Variants in EIF2AK2 observed in about 807,000 individuals in gnomAD.
The protein encoded by EIF2AK2 is interferon-induced, double-stranded RNA-activated protein kinase.
Under a neutral mutation model 70.5 loss-of-function variants are expected in EIF2AK2, and 40 were observed. The ratio of observed to expected loss-of-function variants is 0.57; its 90% CI spans 0.44 to 0.74. The LOEUF is 0.74. EIF2AK2 is among the 30% of genes least tolerant of loss of function. The pLI is 0.00. For synonymous variants in EIF2AK2, 198 were observed against 220.9 expected (o/e 0.90, Z 0.92); for missense variants, 555 against 644.3 (o/e 0.86, Z 1.50).
intron 10 of EIF2AK2, among the ~76,000 whole-genome samples, chr2:37,130,344 C>A (rs1321458520): frequency 6.6e-6 from 1 of 152,166 alleles, no homozygotes; most frequent in East Asian, 1.9e-4. Flanking sequence ...CTCAGGTGAT[C>A]CACCCGCCTT....
At chr2:37,146,676 T>C (rs4648170) in intron 4 of EIF2AK2, among the ~76,000 whole-genome samples, 177 bp downstream of exon 4, 4,503 of 152,314 alleles carry the variant, frequency 0.03, 96 homozygotes, top group Middle Eastern at 0.054. Flanking sequence ...GTGTCCTAGG[T>C]GTGGCTCTCA....
chr2:37,148,746 C>A, intron 2 of EIF2AK2, 111 bp downstream of exon 2: 3 of 834,492 alleles, frequency 3.6e-6, no homozygotes, highest in South Asian at 2.7e-5. Flanking sequence ...TTACAGAAGT[C>A]GTGTTGTGAC....
chr2:37,120,700 C>T (rs1486526832), intron 12 of EIF2AK2, among the ~76,000 whole-genome samples: 4 of 149,142 alleles, frequency 2.7e-5, no homozygotes, highest in Non-Finnish European at 6.0e-5. Context: ...CGGTGGCTCA[C>T]GCCTATAATC....
chr2:37,119,194 C>T lies in EIF2AK2; in HGVS notation c.1248+765G>A, dbSNP rs1372831588. On this transcript the variant is annotated intron_variant, in intron 13 of 16. Transcript: ENST00000233057. ...GTAAAAAATAGGGAAACTCCTTGTCCGGACCATAAAAGCCAGAGGAAAATG... is the reference window on the plus strand; with the variant it reads ...GTAAAAAATAGGGAAACTCCTTGTCTGGACCATAAAAGCCAGAGGAAAATG... Among the ~76,000 whole-genome samples the T allele has an allele frequency of 6.6e-5, 10 of 152,092 alleles. No homozygotes were observed. In the East Asian group the frequency reaches 7.7e-4, roughly 12 times the overall value.
chr2:37,156,904 T>TCACCTG lies in EIF2AK2; in HGVS notation c.-186_-184+3dup, dbSNP rs1379435274. The TCACCTG allele has an allele frequency of 5.6e-6, 1 of 178,192 alleles. No individual in the cohort carries two copies. The highest frequency in any genetic ancestry group is 2.6e-5 in the African/African-American group (1 of 38,678). The allele number at this position is 178,192 out of a possible 1,614,324, so 11.0% of individuals were successfully genotyped here. ...CTCCCTCGGCTGCCCCCTGCCCTGC[T>TCACCTG]CACCTGCGCCGCCGCCGCCGCCGCC... On this transcript the variant is annotated splice_donor_region_variant and intron_variant, in intron 1 of 16. Transcript: ENST00000233057.
At position 37,140,353 on chromosome 2, in the gene EIF2AK2, C is replaced by T. The variant is rs112274588; in HGVS notation, c.390-596G>A. Among the ~76,000 whole-genome samples the T allele has an allele frequency of 5.5e-3, 845 of 152,318 alleles. 3 individuals are homozygous for T. Among genetic ancestry groups the T allele is most frequent in the African/African-American group, 0.02 (815 of 41,562 alleles). On this transcript the variant is annotated intron_variant, in intron 5 of 16. Transcript: ENST00000233057. ...GGACATTTGTGGTTAGGCAAGGATA[C>T]TTGGACAATTATATAATAACTATTT...
rs1673767459 is a variant in EIF2AK2, at chr2:37,099,375, T to C, written c.*7898A>G. ...TCACAGCAGTGCACTCACTACTTTCTGGTATACAAGAAGAACAGCTTGTCC... is the reference window on the plus strand; with the variant it reads ...TCACAGCAGTGCACTCACTACTTTCCGGTATACAAGAAGAACAGCTTGTCC... On this transcript the variant is annotated 3_prime_UTR_variant, in exon 17 of 17. Coordinates refer to ENST00000233057, the MANE Select transcript of EIF2AK2 (RefSeq NM_001135651.3). 1 of 152,220 alleles carries C rather than the reference T, an allele frequency of 6.6e-6. No homozygotes were observed. Among genetic ancestry groups the C allele is most frequent in the Non-Finnish European group, 1.5e-5 (1 of 68,026 alleles). The allele number at this position is 152,220 out of a possible 1,614,324, so 9.4% of individuals were successfully genotyped here.
chr2:37,119,201 T>C (rs1056212540), intron 13 of EIF2AK2, among the ~76,000 whole-genome samples: 1 of 152,142 alleles, frequency 6.6e-6, no homozygotes, highest in Admixed American at 6.5e-5. Flanking sequence ...GTCCGGACCA[T>C]AAAAGCCAGA....
At position 37,154,116 on chromosome 2, in the gene EIF2AK2, C is replaced by T. The variant is rs531493713; in HGVS notation, c.-184+2792G>A. On this transcript the variant is annotated intron_variant, in intron 1 of 16. Coordinates refer to ENST00000233057, the MANE Select transcript of EIF2AK2 (RefSeq NM_001135651.3). ...CCAAGGCGGGCAGATCACCTGAGGT[C>T]GGGACTTCAAGACCAGCCTGACCAA... Among the ~76,000 whole-genome samples, 9 of 152,184 alleles carry T rather than the reference C, an allele frequency of 5.9e-5. No individual in the cohort carries two copies. The South Asian group carries it at 8.3e-4, about 14-fold the overall frequency.
Position 37,105,736 on chromosome 2 carries a change from A to G in EIF2AK2, c.*1537T>C, listed in dbSNP as rs1673943087. The G allele has an allele frequency of 6.6e-6, 1 of 152,180 alleles. No individual in the cohort carries two copies. The highest frequency in any genetic ancestry group is 2.4e-5 in the African/African-American group (1 of 41,438). 9.4% of individuals were successfully genotyped at this position (152,180 alleles called of 1,614,324 possible). On this transcript the variant is annotated 3_prime_UTR_variant, in exon 17 of 17. Transcript: ENST00000233057. Reference sequence around the variant, plus strand: ...TTCTCTACAGCAATTCAGGACAACAAACTAGCATACCCCATGTTCCTCAAA... The same window carrying G: ...TTCTCTACAGCAATTCAGGACAACAGACTAGCATACCCCATGTTCCTCAAA...
At chr2:37,142,733 T>A (rs547276676) in intron 4 of EIF2AK2, among the ~76,000 whole-genome samples, 2 of 152,186 alleles carry the variant, frequency 1.3e-5, no homozygotes, top group Non-Finnish European at 2.9e-5. Flanking sequence ...ATTTTCCAAA[T>A]CTGAGAATGG....
intron 5 of EIF2AK2, 31 bp downstream of exon 5, chr2:37,141,521 GA>G (rs1429763398): frequency 1.9e-6 from 3 of 1,600,946 alleles, no homozygotes; most frequent in Non-Finnish European, 1.7e-6. Context: ...TAAATACAAT[GA>G]AACAGAAAGA....
At chr2:37,111,475 C>A (rs376696241) in intron 14 of EIF2AK2, among the ~76,000 whole-genome samples, 1 of 150,522 alleles carries the variant, frequency 6.6e-6, no homozygotes, top group African/African-American at 2.4e-5. Flanking sequence ...TCTCAGCTCA[C>A]TGCAACCTCC....
At chr2:37,134,039 G>T (rs1412943309) in intron 10 of EIF2AK2, among the ~76,000 whole-genome samples, 1 of 152,124 alleles carries the variant, frequency 6.6e-6, no homozygotes, top group Non-Finnish European at 1.5e-5. Context: ...CTTTGCTCCA[G>T]AATGCTGGAT....
chr2:37,146,052 C>T (rs1340607819), intron 4 of EIF2AK2, among the ~76,000 whole-genome samples: 1 of 151,992 alleles, frequency 6.6e-6, no homozygotes, highest in East Asian at 1.9e-4. Context: ...CCAAGCCCAG[C>T]CTTTTGTCTT....
At chr2:37,148,655 C>T (rs1675640075) in intron 2 of EIF2AK2, 1 of 825,636 alleles carries the variant, frequency 1.2e-6, no homozygotes, top group Non-Finnish European at 2.1e-6. Context: ...TTTACTTCAA[C>T]TTAGAACTGG....
chr2:37,115,609 A>G (rs1674315481), intron 13 of EIF2AK2, among the ~76,000 whole-genome samples: 2 of 152,198 alleles, frequency 1.3e-5, no homozygotes, highest in African/African-American at 2.4e-5. Flanking sequence ...ACTTGAGGAA[A>G]TGTTGCAAAT....
chr2:37,120,174 A>C, intron 12 of EIF2AK2, 35 bp from the exon 13 acceptor site: 1 of 1,232,192 alleles, frequency 8.1e-7, no homozygotes, highest in Non-Finnish European at 1.0e-6. Context: ...TAAAAGTAAC[A>C]ATAAATATAA....
At chr2:37,127,824 C>A in intron 10 of EIF2AK2, among the ~76,000 whole-genome samples, 1 of 151,432 alleles carries the variant, frequency 6.6e-6, no homozygotes, top group Non-Finnish European at 1.5e-5. Context: ...CTCACTGCAA[C>A]CTCCACCCTC....
Sources: gnomAD v4.1 joint callset for allele counts (sites outside exome capture counted in the v4.1 genomes callset) on GRCh38, gnomAD v4.1.1 for gene constraint, MANE v1.5 for transcripts, NCBI Gene and HGNC (gene_info 2026-07-23, HGNC 2026-07-21) for gene names.